SNRNP40: variants seen among roughly 807,000 people sequenced by gnomAD.
SNRNP40 encodes small nuclear ribonucleoprotein U5 subunit 40, also known as U5 small nuclear ribonucleoprotein 40 kDa protein.
SNRNP40 carries 21 observed loss-of-function variants against 45.8 expected under a neutral mutation model. The observed-to-expected ratio is 0.46, with a 90% CI of 0.32 to 0.66. The LOEUF is 0.66. Among genes scored for constraint, SNRNP40 ranks in the 30% least tolerant of loss-of-function variants. The pLI is 0.03. For synonymous variants in SNRNP40, 142 were observed against 163.8 expected, an observed-to-expected ratio of 0.87 and a Z score of 1.01; for missense variants, 344 against 439.1, an observed-to-expected ratio of 0.78 and a Z score of 1.94.
chr1:31,293,767 A>G (rs1004867738), intron 1 of SNRNP40, among the ~76,000 whole-genome samples: 1 of 151,984 alleles, frequency 6.6e-6, no homozygotes, highest in African/African-American at 2.4e-5. Context: ...GTTTTTGTGG[A>G]GATGAGGTCT....
At chr1:31,262,208 G>A (rs960805719) in intron 8 of SNRNP40, among the ~76,000 whole-genome samples, 2 of 152,082 alleles carry the variant, frequency 1.3e-5, no homozygotes, top group African/African-American at 2.4e-5. Flanking sequence ...TTCTAGAATG[G>A]GAAGGGGCCA....
At chr1:31,263,341 AT>A (rs35912395) in intron 8 of SNRNP40, 61,765 of 135,104 alleles carry the variant, frequency 0.46, 13,686 homozygotes, top group Middle Eastern at 0.56. Flanking sequence ...TTCTCAATTA[AT>A]TTTTTTTTTT....
chr1:31,271,200 A>T, intron 6 of SNRNP40, 179 bp downstream of exon 6: 1 of 559,504 alleles, frequency 1.8e-6, no homozygotes, highest in Non-Finnish European at 3.1e-6. Flanking sequence ...AGAGAGAAGA[A>T]ATGCTGTGTG....
chr1:31,272,769 A>G (rs1410603179), intron 5 of SNRNP40, among the ~76,000 whole-genome samples: 1 of 152,256 alleles, frequency 6.6e-6, no homozygotes, highest in Non-Finnish European at 1.5e-5. Context: ...AGGAAAATAC[A>G]AAACAGTATT....
At chr1:31,292,306 G>A (rs1039219059) in intron 2 of SNRNP40, among the ~76,000 whole-genome samples, 1 of 152,188 alleles carries the variant, frequency 6.6e-6, no homozygotes, top group Non-Finnish European at 1.5e-5. Flanking sequence ...AGGATGCAGT[G>A]AGCCGAGATC....
chr1:31,290,108 C>T (rs1208986111), intron 3 of SNRNP40, among the ~76,000 whole-genome samples: 3 of 152,148 alleles, frequency 2.0e-5, no homozygotes, highest in Admixed American at 2.0e-4. Context: ...ATCTTCCTGC[C>T]TCAGCCTCCT....
chr1:31,268,028 T>TAA, intron 7 of SNRNP40, 96 bp from the exon 8 acceptor site: 1 of 758,626 alleles, frequency 1.3e-6, no homozygotes, highest in Non-Finnish European at 2.3e-6. Context: ...CTAACTAGAG[T>TAA]TTTAATTACT....
chr1:31,294,742 C>T (rs541777532), intron 1 of SNRNP40, among the ~76,000 whole-genome samples: 2 of 151,990 alleles, frequency 1.3e-5, no homozygotes, highest in Admixed American at 6.6e-5. Context: ...AAGTTTGAGA[C>T]CAGCCTGACC....
At chr1:31,262,325 G>A (rs1213942309) in intron 8 of SNRNP40, among the ~76,000 whole-genome samples, 1 of 151,848 alleles carries the variant, frequency 6.6e-6, no homozygotes, top group African/African-American at 2.4e-5. Flanking sequence ...TTTGAGACCA[G>A]CCTGGCCAAC....
intron 5 of SNRNP40, among the ~76,000 whole-genome samples, chr1:31,280,493 C>A (rs1646008216): frequency 6.6e-6 from 1 of 151,942 alleles, no homozygotes; most frequent in Non-Finnish European, 1.5e-5. Context: ...AAAGTAACAG[C>A]AAAGGAAACA....
At chr1:31,278,653 T>C (rs897178025) in intron 5 of SNRNP40, among the ~76,000 whole-genome samples, 2 of 152,338 alleles carry the variant, frequency 1.3e-5, no homozygotes, top group South Asian at 2.1e-4. Flanking sequence ...AGTATTTATA[T>C]GATGGAAAAG....
Position 31,291,969 on chromosome 1 carries a change from G to A in SNRNP40, c.309C>T (p.Ala103=). 1.2e-6 allele frequency: 2 copies of A among 1,613,138 alleles called. No homozygotes were observed. The highest frequency in any genetic ancestry group is 1.7e-6 in the Non-Finnish European group (2 of 1,179,148). Residue 103 remains alanine, a synonymous_variant, in exon 3 of 10, where the codon GCC becomes GCT. Transcript: ENST00000263694. ...CTGCTCCACTGTGTCCCTTCAGTGT[G>A]GCATAGTTATCACAGTCACCATAGA... ...WNVYGDCDNY[A]TLKGHSGAVM...
At chr1:31,291,771 G>A (rs1646109365) in intron 3 of SNRNP40, 142 bp downstream of exon 3, 2 of 619,110 alleles carry the variant, frequency 3.2e-6, no homozygotes, top group Non-Finnish European at 5.9e-6. Context: ...CTCACTTGGG[G>A]TGACAGTGAT....
intron 3 of SNRNP40, among the ~76,000 whole-genome samples, chr1:31,290,513 T>G (rs1246384175): frequency 6.6e-6 from 1 of 152,186 alleles, no homozygotes; most frequent in African/African-American, 2.4e-5. Flanking sequence ...AATATAGTCA[T>G]TAAAATGACG....
Position 31,293,223 on chromosome 1 carries a change from C to T in SNRNP40, c.267G>A (p.Leu89=). The change falls in exon 2 of 10, where the codon CTG becomes CTA. Residue 89 remains leucine (L), a synonymous_variant. Transcript: ENST00000263694. ...STLASAGFDR[L]ILLWNVYGDC... is the part of the protein sequence containing the mutation. ...GATTCAAAAACTATGCCTCACATAT[C>T]AGTCGGTCAAATCCTGCAGATGCTA... is the stretch of plus-strand genomic sequence containing the variant. The T allele has an allele frequency of 1.9e-6, 3 of 1,613,796 alleles. No individual in the cohort carries two copies. The highest frequency in any genetic ancestry group is 2.5e-6 in the Non-Finnish European group (3 of 1,179,864).
intron 3 of SNRNP40, among the ~76,000 whole-genome samples, chr1:31,290,752 C>A (rs1646099851): frequency 6.6e-6 from 1 of 151,990 alleles, no homozygotes; most frequent in African/African-American, 2.4e-5. Context: ...GTGGCGGGCA[C>A]CTGTAATCCC....
At chr1:31,292,231 C>T (rs1162289887) in intron 2 of SNRNP40, among the ~76,000 whole-genome samples, 1 of 152,010 alleles carries the variant, frequency 6.6e-6, no homozygotes, top group Non-Finnish European at 1.5e-5. Flanking sequence ...GGTGTAGTGG[C>T]AGACGCCTAC....
intron 1 of SNRNP40, among the ~76,000 whole-genome samples, chr1:31,295,040 G>T (rs1013752541): frequency 1.3e-5 from 2 of 152,082 alleles, no homozygotes; most frequent in Non-Finnish European, 2.9e-5. Flanking sequence ...AGGGGGAAGG[G>T]AGAAGGGAAG....
chr1:31,279,837 G>A (rs1010716326), intron 5 of SNRNP40, among the ~76,000 whole-genome samples: 8 of 151,626 alleles, frequency 5.3e-5, no homozygotes, highest in East Asian at 2.0e-4. Flanking sequence ...GGCCGGGCAC[G>A]GTGGCTCACA....
Sources: gnomAD v4.1 joint callset for allele counts (sites outside exome capture counted in the v4.1 genomes callset) on GRCh38, gnomAD v4.1.1 for gene constraint, MANE v1.5 for transcripts, NCBI Gene and HGNC (gene_info 2026-07-23, HGNC 2026-07-21) for gene names.